THEMIS: variants seen among roughly 807,000 people sequenced by gnomAD.
THEMIS encodes the protein thymocyte selection associated.
THEMIS carries 37 observed loss-of-function variants against 52.6 expected under a neutral mutation model. The ratio of observed to expected loss-of-function variants is 0.70; its 90% CI spans 0.54 to 0.93. THEMIS has a LOEUF of 0.93. THEMIS is among the 40% of genes least tolerant of loss of function. The pLI, the probability that THEMIS is intolerant of heterozygous loss-of-function variation, is 0.00. For missense variants in THEMIS, 808 were observed against 763.1 expected (o/e 1.06, Z -0.69); for synonymous variants, 292 against 272.7 (o/e 1.07, Z -0.70).
rs11355741 is a variant in THEMIS, at chr6:127,832,777, C to CTTTTTTTTTTTTTTTTTTTTTTTT, written c.251-2867_251-2844dup. On this transcript the variant is annotated intron_variant, in intron 2 of 5. Transcript: ENST00000368248. ...CTATTTCCACCTAGGATTGTCAGAT[C>CTTTTTTTTTTTTTTTTTTTTTTTT]TTTTTTTTTTTTTTTTTTTTTTTTG... is the stretch of plus-strand genomic sequence containing the variant. Among the ~76,000 whole-genome samples the CTTTTTTTTTTTTTTTTTTTTTTTT allele has an allele frequency of 6.2e-4, 36 of 57,804 alleles. 9 individuals are homozygous for CTTTTTTTTTTTTTTTTTTTTTTTT. The highest frequency in any genetic ancestry group is 2.5e-3 in the African/African-American group (33 of 13,098). 37.9% of individuals were successfully genotyped at this position (57,804 alleles called of 152,430 possible).
chr6:127,881,222 G>A (rs1780475758), intron 1 of THEMIS, among the ~76,000 whole-genome samples: 1 of 151,832 alleles, frequency 6.6e-6, no homozygotes, highest in African/African-American at 2.4e-5. Context: ...AGTAAGTCTT[G>A]CTTTTTATTT....
chr6:127,769,711 T>C (rs1007601855), intron 4 of THEMIS, among the ~76,000 whole-genome samples: 3 of 152,124 alleles, frequency 2.0e-5, no homozygotes, highest in Non-Finnish European at 2.9e-5. Flanking sequence ...ACATGTGCCA[T>C]GTTGGTTTGC....
chr6:127,746,999 CTATAATTATAT>C (rs1360019498), intron 4 of THEMIS, among the ~76,000 whole-genome samples: 3 of 45,374 alleles, frequency 6.6e-5, no homozygotes, highest in East Asian at 2.1e-3. Flanking sequence ...ATATAGATAT[CTATAATTATAT>C]TATATATAAT....
At chr6:127,817,016 G>T (rs113200403) in intron 3 of THEMIS, among the ~76,000 whole-genome samples, 32 of 152,194 alleles carry the variant, frequency 2.1e-4, no homozygotes, top group African/African-American at 7.2e-4. Context: ...ATTTAAAATT[G>T]CAATCTTCTC....
chr6:127,817,036 C>T (rs1013022143), intron 3 of THEMIS, among the ~76,000 whole-genome samples: 1 of 152,134 alleles, frequency 6.6e-6, no homozygotes, highest in Non-Finnish European at 1.5e-5. Context: ...CTTCTATTTG[C>T]CCTTTTCTAT....
intron 4 of THEMIS, among the ~76,000 whole-genome samples, chr6:127,785,263 T>TCTATC (rs1776905916): frequency 4.0e-5 from 3 of 74,096 alleles, no homozygotes; most frequent in African/African-American, 1.4e-4. Flanking sequence ...ATCTATCTAT[T>TCTATC]TATCACCTAT....
chr6:127,901,463 G>A (rs941453296), upstream of THEMIS, among the ~76,000 whole-genome samples: 6 of 152,038 alleles, frequency 3.9e-5, no homozygotes, highest in African/African-American at 1.4e-4. Flanking sequence ...ATTAAAATTG[G>A]TAATAAAAGT....
At chr6:127,801,440 A>G (rs1777531915) in intron 4 of THEMIS, among the ~76,000 whole-genome samples, 2 of 152,178 alleles carry the variant, frequency 1.3e-5, no homozygotes, top group African/African-American at 2.4e-5. Flanking sequence ...AGGTACATGC[A>G]CACCCTTGCC....
intron 4 of THEMIS, among the ~76,000 whole-genome samples, chr6:127,742,350 AAAC>A (rs1371125334): frequency 6.7e-6 from 1 of 148,264 alleles, no homozygotes; most frequent in Non-Finnish European, 1.5e-5. Context: ...ACAAACAAAA[AAAC>A]AAAAAAACAA....
intron 4 of THEMIS, among the ~76,000 whole-genome samples, chr6:127,771,433 C>G (rs1444987165): frequency 6.6e-6 from 1 of 151,808 alleles, no homozygotes; most frequent in Non-Finnish European, 1.5e-5. Context: ...CATATGGAAC[C>G]AAAAAAGAGC....
At chr6:127,910,329 T>C (rs1341577963) in intron 1 of THEMIS, among the ~76,000 whole-genome samples, 2 of 152,132 alleles carry the variant, frequency 1.3e-5, no homozygotes, top group African/African-American at 2.4e-5. Flanking sequence ...TCTTAGAAGA[T>C]GTATTTATTT....
chr6:127,759,878 CCTCT>C (rs1196005016), intron 4 of THEMIS, among the ~76,000 whole-genome samples: 21 of 116,506 alleles, frequency 1.8e-4, no homozygotes, highest in East Asian at 3.0e-4. Context: ...TTCCTTCCTT[CCTCT>C]CTCTCTCTCT....
chr6:127,710,929 GCCTCCCTCCCTCCTTC>G (rs1425253896), intron 5 of THEMIS, among the ~76,000 whole-genome samples: 5 of 150,792 alleles, frequency 3.3e-5, no homozygotes, highest in African/African-American at 1.2e-4. Flanking sequence ...ATAACTGCCT[GCCTCCCTCCCTCCTTC>G]CCTCCCTCCC....
At chr6:127,907,208 C>G (rs943220896) in intron 1 of THEMIS, among the ~76,000 whole-genome samples, 3 of 151,840 alleles carry the variant, frequency 2.0e-5, no homozygotes, top group Admixed American at 1.3e-4. Flanking sequence ...ATAGGAATCA[C>G]TCCTGTGATT....
intron 1 of THEMIS, among the ~76,000 whole-genome samples, chr6:127,875,073 A>G (rs1318955870): frequency 6.6e-6 from 1 of 152,238 alleles, no homozygotes; most frequent in African/African-American, 2.4e-5. Context: ...TAATAATCTG[A>G]TGATAAATGT....
Position 127,813,735 on chromosome 6 carries a change from C to T in THEMIS, c.906G>A (p.Gln302=), listed in dbSNP as rs375988937. The part of the protein sequence containing the change: ...EGNHLPQSIL[Q]PGKTIVIHKK... ...TGTGGATCACAATGGTTTTCCCAGG[C>T]TGTAAAATGCTTTGGGGCAGGTGGT... is the stretch of plus-strand genomic sequence containing the variant. The change falls in exon 4 of 6, where the codon CAG becomes CAA. Residue 302 remains glutamine (Q), a synonymous_variant. Transcript: ENST00000368248. 34 of 1,613,754 alleles carry T rather than the reference C, an allele frequency of 2.1e-5. No homozygotes were observed. In the South Asian group the frequency reaches 2.9e-4, roughly 14 times the overall value.
chr6:127,857,802 G>T (rs1161919425), intron 1 of THEMIS, among the ~76,000 whole-genome samples: 1 of 152,002 alleles, frequency 6.6e-6, no homozygotes, highest in Non-Finnish European at 1.5e-5. Flanking sequence ...GCAACAAATG[G>T]ATAACAATAT....
chr6:127,709,767 A>AG lies in THEMIS; in HGVS notation c.*217dup. The AG allele has an allele frequency of 2.4e-6, 1 of 424,588 alleles. No homozygotes were observed. Among genetic ancestry groups the AG allele is most frequent in the Non-Finnish European group, 4.2e-6 (1 of 240,568 alleles). 26.3% of individuals were successfully genotyped at this position (424,588 alleles called of 1,614,324 possible). ...TAAAGAACAACAACACAATGCCTAC[A>AG]GATTTAGACACAACAGAATAGACTA... On this transcript the variant is annotated 3_prime_UTR_variant, in exon 6 of 6. Transcript: ENST00000368248.
At chr6:127,737,565 A>T (rs983183989) in intron 4 of THEMIS, among the ~76,000 whole-genome samples, 2 of 152,204 alleles carry the variant, frequency 1.3e-5, no homozygotes, top group African/African-American at 4.8e-5. Context: ...TTCTTGGCAA[A>T]GAGCTATGTA....
Sources: gnomAD v4.1 joint callset for allele counts (sites outside exome capture counted in the v4.1 genomes callset) on GRCh38, gnomAD v4.1.1 for gene constraint, MANE v1.5 for transcripts, NCBI Gene and HGNC (gene_info 2026-07-23, HGNC 2026-07-21) for gene names.